Variants in SEL1L3 observed in about 807,000 individuals in gnomAD.
SEL1L3 encodes protein sel-1 homolog 3.
A neutral mutation model predicts 142.8 loss-of-function variants in SEL1L3; 76 were observed. The ratio of observed to expected loss-of-function variants is 0.53; its 90% CI spans 0.44 to 0.64. The LOEUF (loss-of-function observed/expected upper bound fraction) is 0.64, where lower values mean the gene tolerates loss of function less well. Ranked by LOEUF, SEL1L3 falls within the 30% of genes least tolerant of loss-of-function variation. SEL1L3 has a pLI of 0.00. For synonymous variants in SEL1L3, 504 were observed against 519.6 expected (o/e 0.97, Z 0.41); for missense variants, 1,262 against 1,381.7 (o/e 0.91, Z 1.37).
intron 2 of SEL1L3, among the ~76,000 whole-genome samples, chr4:25,838,012 T>C (rs1577679442): frequency 6.6e-6 from 1 of 152,182 alleles, no homozygotes; most frequent in East Asian, 1.9e-4. Flanking sequence ...ACTTATTCAC[T>C]ATTCCATCCC....
At chr4:25,838,684 C>T (rs2109295694) in intron 2 of SEL1L3, among the ~76,000 whole-genome samples, 1 of 152,328 alleles carries the variant, frequency 6.6e-6, no homozygotes, top group South Asian at 2.1e-4. Flanking sequence ...CAAGTTAGAG[C>T]CTGGCCCAAC....
the SEL1L3 span, among the ~76,000 whole-genome samples, chr4:25,724,922 G>C: frequency 1.3e-5 from 2 of 151,942 alleles, no homozygotes; most frequent in South Asian, 2.1e-4. Flanking sequence ...CTCAGCTCCT[G>C]TAAGCCCTTC....
the SEL1L3 span, chr4:25,719,545 A>T: frequency 2.0e-5 from 3 of 147,280 alleles, no homozygotes; most frequent in Admixed American, 6.7e-5. Context: ...CAGGCTGTTA[A>T]GATTAGAAGA....
At chr4:25,818,748 A>G (rs888080235) in intron 8 of SEL1L3, among the ~76,000 whole-genome samples, 1 of 152,172 alleles carries the variant, frequency 6.6e-6, no homozygotes, top group Non-Finnish European at 1.5e-5. Context: ...TCTTTGGGTT[A>G]TTACTATTCC....
chr4:25,770,461 C>T (rs10012459), intron 17 of SEL1L3: 9,652 of 152,082 alleles, frequency 0.063, 1,050 homozygotes, highest in African/African-American at 0.22. Flanking sequence ...ACCTCTGGGC[C>T]GAGCACAGTG....
chr4:25,821,961 G>T, intron 7 of SEL1L3, 35 bp downstream of exon 7: 1 of 1,603,612 alleles, frequency 6.2e-7, no homozygotes, highest in Non-Finnish European at 8.5e-7. Flanking sequence ...CCATCACCCA[G>T]GAGTACCGCA....
chr4:25,748,280 TA>T lies in SEL1L3; in HGVS notation c.*144del, dbSNP rs1190319127. The stretch of plus-strand genomic sequence containing the variant: ...TGGGTACTTCCTTGTAATTTGACTT[TA>T]AAAAAAATGACACCAATTGCAAAAT... On this transcript the variant is annotated 3_prime_UTR_variant, in exon 24 of 24. Coordinates refer to ENST00000399878, the MANE Select transcript of SEL1L3 (RefSeq NM_015187.5). 1.2e-4 allele frequency: 90 copies of T among 765,238 alleles called. No individual in the cohort carries two copies. Among genetic ancestry groups the T allele is most frequent in the Non-Finnish European group, 1.5e-4 (73 of 484,358 alleles). The allele number at this position is 765,238 out of a possible 1,614,324, so 47.4% of individuals were successfully genotyped here.
the SEL1L3 span, among the ~76,000 whole-genome samples, chr4:25,735,479 T>C: frequency 8.6e-6 from 1 of 116,850 alleles, no homozygotes; most frequent in East Asian, 3.6e-4. Flanking sequence ...TAACCAGTTC[T>C]TGATTTTATT....
intron 2 of SEL1L3, among the ~76,000 whole-genome samples, chr4:25,843,658 C>G (rs975074606): frequency 6.6e-6 from 1 of 152,222 alleles, no homozygotes; most frequent in Admixed American, 6.5e-5. Context: ...GCTACATATG[C>G]CCCCCACACC....
intron 8 of SEL1L3, among the ~76,000 whole-genome samples, chr4:25,819,421 C>A (rs9994063): frequency 6.6e-6 from 1 of 152,202 alleles, no homozygotes; most frequent in Non-Finnish European, 1.5e-5. Flanking sequence ...TGGCCCAAAA[C>A]AAAAGTGCAC....
At chr4:25,724,627 C>T in the SEL1L3 span, among the ~76,000 whole-genome samples, 2 of 149,766 alleles carry the variant, frequency 1.3e-5, no homozygotes, top group Non-Finnish European at 3.0e-5. Flanking sequence ...TAATCAGCCA[C>T]TCGGGAGGCT....
intron 16 of SEL1L3, among the ~76,000 whole-genome samples, chr4:25,777,394 G>A (rs1267021822): frequency 6.6e-6 from 1 of 152,118 alleles, no homozygotes; most frequent in Non-Finnish European, 1.5e-5. Flanking sequence ...TATAGTTGGA[G>A]ATTTTAATAT....
rs1005039243 is a variant in SEL1L3, at chr4:25,811,626, G to A, written c.1564+6512C>T. 2.8e-4 allele frequency among the ~76,000 whole-genome samples: 43 copies of A among 152,058 alleles called. 1 individual carries two copies. The highest frequency in any genetic ancestry group is 9.4e-4 in the African/African-American group (39 of 41,390). ...AGATCACTTATTCATTTGGGCTGCCGCCATTCAGTTGCTAAACAAATATTT... is the reference window on the plus strand; with the variant it reads ...AGATCACTTATTCATTTGGGCTGCCACCATTCAGTTGCTAAACAAATATTT... On this transcript the variant is annotated intron_variant, in intron 9 of 23. Transcript: ENST00000399878.
chr4:25,740,931 C>T, the SEL1L3 span, among the ~76,000 whole-genome samples: 1 of 151,294 alleles, frequency 6.6e-6, no homozygotes, highest in South Asian at 2.1e-4. Context: ...ATTACAGGTG[C>T]CCCCCACCAC....
At chr4:25,822,734 C>G (rs1714843024) in intron 6 of SEL1L3, among the ~76,000 whole-genome samples, 1 of 152,122 alleles carries the variant, frequency 6.6e-6, no homozygotes. Flanking sequence ...AGTTGGAGGA[C>G]CACACTGTCC....
In SEL1L3 at chr4:25,807,354, G is replaced by A. The variant is rs972204466; in HGVS notation, c.1565-2602C>T. 2.6e-5 allele frequency among the ~76,000 whole-genome samples: 4 copies of A among 152,128 alleles called. 1 individual carries two copies. The highest frequency in any genetic ancestry group is 1.3e-4 in the Admixed American group (2 of 15,270). On this transcript the variant is annotated intron_variant, in intron 9 of 23. Transcript: ENST00000399878. ...TAACACCCCTTTTCACCAGCAGCCT[G>A]CGGAATCTTGTCTTGGATTTTCCCT...
At chr4:25,747,419 C>A (rs577140387), downstream of SEL1L3, 127 of 152,096 alleles carry the variant, frequency 8.3e-4, no homozygotes, top group Admixed American at 5.8e-3. Flanking sequence ...GGAAAAAAAA[C>A]CACTTTCTGG....
chr4:25,841,067 C>T (rs1384195854), intron 2 of SEL1L3, among the ~76,000 whole-genome samples: 1 of 150,078 alleles, frequency 6.7e-6, no homozygotes, highest in Non-Finnish European at 1.5e-5. Context: ...GAGTCTTGCT[C>T]TGTCACCCAG....
At chr4:25,761,965 A>G (rs1718405339) in intron 20 of SEL1L3, among the ~76,000 whole-genome samples, 1 of 151,880 alleles carries the variant, frequency 6.6e-6, no homozygotes, top group East Asian at 1.9e-4. Context: ...TTTTACTTCT[A>G]TTTTTTGAGA....
Sources: gnomAD v4.1 joint callset for allele counts (sites outside exome capture counted in the v4.1 genomes callset) on GRCh38, gnomAD v4.1.1 for gene constraint, MANE v1.5 for transcripts, NCBI Gene and HGNC (gene_info 2026-07-23, HGNC 2026-07-21) for gene names.